SLC16A2: variants seen among roughly 807,000 people sequenced by gnomAD.
SLC16A2 encodes monocarboxylate transporter 8.
SLC16A2 carries 3 observed loss-of-function variants against 27.2 expected under a neutral mutation model. That is an observed-to-expected ratio of 0.11 (90% CI 0.05 to 0.28). The LOEUF is 0.28. Ranked by LOEUF, SLC16A2 falls within the 10% of genes least tolerant of loss-of-function variation. SLC16A2 has a pLI of 1.00. For missense variants in SLC16A2, 295 were observed against 458.5 expected (o/e 0.64, Z 3.26); for synonymous variants, 202 against 187.8 (o/e 1.08, Z -0.62).
chrX:74,479,808 G>T (rs1005400831), intron 1 of SLC16A2, among the ~76,000 whole-genome samples: 1 of 111,919 alleles, frequency 8.9e-6, no homozygotes. Flanking sequence ...GGATATTGGT[G>T]AACAGCAAAT....
At position 74,533,631 on chromosome X, in the gene SLC16A2, A is replaced by G. The variant is rs1355427592; in HGVS notation, c.*2078A>G. 1.8e-5 allele frequency: 2 copies of G among 112,810 alleles called. No individual in the cohort carries two copies. Among genetic ancestry groups the G allele is most frequent in the Admixed American group, 9.4e-5 (1 of 10,677 alleles). The allele number at this position is 112,810 out of a possible 1,213,427, so 9.3% of individuals were successfully genotyped here. On this transcript the variant is annotated 3_prime_UTR_variant, in exon 6 of 6. Coordinates refer to ENST00000587091, the MANE Select transcript of SLC16A2 (RefSeq NM_006517.5). ...CAGGCAGTCGCCCACTTCTCTCCAG[A>G]TGAAGGGAAGACATTCATAGGTCCC... is the stretch of plus-strand genomic sequence containing the variant.
chrX:74,428,284 A>G (rs1041032173), intron 1 of SLC16A2, among the ~76,000 whole-genome samples: 10 of 110,711 alleles, frequency 9.0e-5, no homozygotes, highest in African/African-American at 3.3e-4. Context: ...TGGATGGGGA[A>G]TGTGGCCTGT....
chrX:74,440,067 A>G (rs1928713740), intron 1 of SLC16A2, among the ~76,000 whole-genome samples: 1 of 111,853 alleles, frequency 8.9e-6, no homozygotes, highest in Non-Finnish European at 1.9e-5. Flanking sequence ...AAGCATGGTT[A>G]GAGGAGAGCA....
At chrX:74,504,964 C>T (rs932132240) in intron 1 of SLC16A2, among the ~76,000 whole-genome samples, 2 of 111,400 alleles carry the variant, frequency 1.8e-5, no homozygotes, top group African/African-American at 3.3e-5. Context: ...CACTCCAACC[C>T]GGGTGACAGA....
At chrX:74,493,923 C>G (rs963933748) in intron 1 of SLC16A2, among the ~76,000 whole-genome samples, 1 of 111,753 alleles carries the variant, frequency 8.9e-6, no homozygotes, top group Non-Finnish European at 1.9e-5. Context: ...CAGGCGGGAA[C>G]AAGCCTTCCA....
At chrX:74,461,407 A>AGTGTGTGT (rs140818072) in intron 1 of SLC16A2, among the ~76,000 whole-genome samples, 5 of 103,803 alleles carry the variant, frequency 4.8e-5, no homozygotes, top group East Asian at 3.2e-4. Flanking sequence ...AGAGAGAGAG[A>AGTGTGTGT]GTGTGTGTGT....
At position 74,478,416 on chromosome X, in the gene SLC16A2, C is replaced by T. The variant is rs60276968; in HGVS notation, c.431-42574C>T. ...TGAGATGGGTTTCCTGAATACAGCA[C>T]ACTGATGACTCTTTATCCAATTTGC... On this transcript the variant is annotated intron_variant, in intron 1 of 5. Coordinates refer to ENST00000587091, the MANE Select transcript of SLC16A2 (RefSeq NM_006517.5). Among the ~76,000 whole-genome samples the T allele has an allele frequency of 1.8e-3, 197 of 111,196 alleles. 1 individual carries two copies. Among genetic ancestry groups the T allele is most frequent in the African/African-American group, 5.9e-3 (181 of 30,628 alleles).
chrX:74,481,799 T>C (rs1175950470), intron 1 of SLC16A2, among the ~76,000 whole-genome samples: 1 of 107,766 alleles, frequency 9.3e-6, no homozygotes, highest in Non-Finnish European at 1.9e-5. Context: ...TATTAGGTTA[T>C]TGATTTGAGA....
intron 1 of SLC16A2, among the ~76,000 whole-genome samples, chrX:74,466,226 T>C (rs1929247718): frequency 9.0e-6 from 1 of 111,377 alleles, no homozygotes; most frequent in Admixed American, 9.6e-5. Context: ...TTTCTAAACC[T>C]GGCTTCTAAA....
At chrX:74,481,080 C>T (rs1364329059) in intron 1 of SLC16A2, among the ~76,000 whole-genome samples, 1 of 111,987 alleles carries the variant, frequency 8.9e-6, no homozygotes, top group East Asian at 2.8e-4. Context: ...GGGATAAACC[C>T]CATTTGGTCA....
chrX:74,521,186 T>C (rs753641043), intron 2 of SLC16A2, 52 bp downstream of exon 2: 3 of 1,189,811 alleles, frequency 2.5e-6, no homozygotes, highest in South Asian at 3.5e-5. Flanking sequence ...TTGGTTTTTT[T>C]CTGGGCTTTA....
chrX:74,437,848 C>G (rs766994082), intron 1 of SLC16A2, among the ~76,000 whole-genome samples: 2 of 111,512 alleles, frequency 1.8e-5, no homozygotes, highest in African/African-American at 6.5e-5. Flanking sequence ...ACAGGACCCC[C>G]ACCCTCATCA....
chrX:74,473,943 G>A, intron 1 of SLC16A2: 1 of 372,551 alleles, frequency 2.7e-6, no homozygotes, highest in Admixed American at 4.1e-5. Flanking sequence ...AGGAGATGCT[G>A]ACTTAGACAC....
rs182760131 is a variant in SLC16A2, at chrX:74,532,285, C to T, written c.*732C>T. 8.8e-6 allele frequency: 1 copy of T among 113,752 alleles called. No individual in the cohort carries two copies. The highest frequency in any genetic ancestry group is 1.8e-5 in the Non-Finnish European group (1 of 54,214). 9.4% of individuals were successfully genotyped at this position (113,752 alleles called of 1,213,427 possible). A position where few individuals can be genotyped will look rare whatever the true frequency, so the allele number is the denominator to read the frequency against. ...ACCTTGTCCCAGTCCACTCCTAACA[C>T]TAGCATCAGTCCCACTCATCTCAGG... On this transcript the variant is annotated 3_prime_UTR_variant, in exon 6 of 6. Coordinates refer to ENST00000587091, the MANE Select transcript of SLC16A2 (RefSeq NM_006517.5).
intron 1 of SLC16A2, among the ~76,000 whole-genome samples, chrX:74,504,807 A>G (rs1930095471): frequency 1.8e-5 from 2 of 111,787 alleles, no homozygotes; most frequent in South Asian, 7.5e-4. Flanking sequence ...CCTGGGCAAA[A>G]TGGCAGAAAC....
chrX:74,472,701 C>G (rs1315207226), intron 1 of SLC16A2, among the ~76,000 whole-genome samples: 2 of 105,284 alleles, frequency 1.9e-5, no homozygotes, highest in African/African-American at 7.0e-5. Context: ...TATTCAGCAT[C>G]ATAATCAGAC....
intron 1 of SLC16A2, among the ~76,000 whole-genome samples, chrX:74,443,988 T>C (rs1027855960): frequency 9.0e-6 from 1 of 111,078 alleles, no homozygotes; most frequent in African/African-American, 3.3e-5. Context: ...ACCAGGTGTG[T>C]ATGTGTGTGC....
chrX:74,522,763 CCTT>C (rs1930427365), intron 2 of SLC16A2, among the ~76,000 whole-genome samples: 1 of 111,924 alleles, frequency 8.9e-6, no homozygotes, highest in Non-Finnish European at 1.9e-5. Context: ...TAGCCCCTAA[CCTT>C]CTTCTCTACC....
chrX:74,440,925 C>T (rs890795796), intron 1 of SLC16A2, among the ~76,000 whole-genome samples: 1 of 110,541 alleles, frequency 9.0e-6, no homozygotes, highest in African/African-American at 3.3e-5. Context: ...TAGACGACCA[C>T]TTTATTTTAC....
Sources: allele counts gnomAD v4.1 joint callset (sites outside exome capture counted in the v4.1 genomes callset), GRCh38; gene constraint gnomAD v4.1.1; transcripts MANE v1.5; gene names NCBI Gene and HGNC (gene_info 2026-07-23, HGNC 2026-07-21).